The following SUMF1 variants were observed in gnomAD, a reference collection of about 807,000 sequenced individuals.
The protein encoded by SUMF1 is formylglycine-generating enzyme.
SUMF1 carries 48 observed loss-of-function variants against 47.6 expected under a neutral mutation model. The ratio of observed to expected loss-of-function variants is 1.01; its 90% CI spans 0.80 to 1.28. SUMF1 has a LOEUF of 1.28. Among genes scored for constraint, SUMF1 ranks in the 50% most tolerant of loss-of-function variants. The pLI, the probability that SUMF1 is intolerant of heterozygous loss-of-function variation, is 0.00. For synonymous variants in SUMF1, 230 were observed against 192.1 expected (o/e 1.20, Z -1.63); for missense variants, 571 against 485.4 (o/e 1.18, Z -1.66).
intron 8 of SUMF1, among the ~76,000 whole-genome samples, chr3:4,293,928 G>C (rs182142760): frequency 6.6e-6 from 1 of 152,300 alleles, no homozygotes; most frequent in Admixed American, 6.5e-5. Flanking sequence ...AGTAGTCTCT[G>C]AATATGGGAA....
chr3:4,229,831 T>C (rs977702939), intron 8 of SUMF1, among the ~76,000 whole-genome samples: 1 of 151,950 alleles, frequency 6.6e-6, no homozygotes, highest in East Asian at 1.9e-4. Context: ...CTGGGCAACA[T>C]AGCAAGACCC....
At chr3:4,436,881 C>CAA (rs11410677) in intron 3 of SUMF1, among the ~76,000 whole-genome samples, 43 of 144,118 alleles carry the variant, frequency 3.0e-4, no homozygotes, top group Non-Finnish European at 5.0e-4. Flanking sequence ...AAACAAAAAA[C>CAA]AAAAAAAACC....
intron 8 of SUMF1, among the ~76,000 whole-genome samples, chr3:4,127,828 T>C (rs1271592543): frequency 6.6e-6 from 1 of 152,068 alleles, no homozygotes; most frequent in African/African-American, 2.4e-5. Flanking sequence ...GTTGGCTGCT[T>C]AATATGATTA....
chr3:4,274,071 C>T (rs1697365854), intron 8 of SUMF1, among the ~76,000 whole-genome samples: 1 of 151,900 alleles, frequency 6.6e-6, no homozygotes, highest in African/African-American at 2.4e-5. Context: ...TAGTTACCTC[C>T]CTAAAGCAGC....
At chr3:4,397,616 T>C (rs770279599) in intron 7 of SUMF1, among the ~76,000 whole-genome samples, 4 of 152,184 alleles carry the variant, frequency 2.6e-5, no homozygotes, top group African/African-American at 4.8e-5. Context: ...TTTGGACGTT[T>C]TGAAAGTGGA....
At chr3:4,367,157 CG>C (rs1191177226) in intron 8 of SUMF1, among the ~76,000 whole-genome samples, 1 of 152,132 alleles carries the variant, frequency 6.6e-6, no homozygotes, top group Non-Finnish European at 1.5e-5. Context: ...TTAGGCTGCT[CG>C]GGGGTCAGGG....
intron 7 of SUMF1, among the ~76,000 whole-genome samples, chr3:4,401,905 T>C (rs1433147770): frequency 6.6e-6 from 1 of 152,172 alleles, no homozygotes; most frequent in East Asian, 1.9e-4. Context: ...GCCCCTTTCT[T>C]GAGCACACTG....
chr3:4,193,252 T>C (rs896509474), intron 8 of SUMF1, among the ~76,000 whole-genome samples: 18 of 149,952 alleles, frequency 1.2e-4, no homozygotes, highest in African/African-American at 4.4e-4. Flanking sequence ...AAATGAATAA[T>C]GAAAGTTCCA....
intron 8 of SUMF1, among the ~76,000 whole-genome samples, chr3:4,249,527 C>A (rs1696745970): frequency 6.6e-6 from 1 of 152,118 alleles, no homozygotes; most frequent in African/African-American, 2.4e-5. Context: ...CACCACAAAT[C>A]ACGTCCATAT....
chr3:4,430,407 G>A (rs777135663), intron 3 of SUMF1, among the ~76,000 whole-genome samples: 10 of 152,140 alleles, frequency 6.6e-5, no homozygotes, highest in Non-Finnish European at 1.5e-4. Flanking sequence ...GCCATGTAAT[G>A]TTGGTTGGAC....
intron 1 of SUMF1, 88 bp downstream of exon 1, chr3:4,466,888 C>T: frequency 6.5e-7 from 1 of 1,533,778 alleles, no homozygotes; most frequent in Non-Finnish European, 8.8e-7. Context: ...CCTTTACTTC[C>T]CTTCCTACTA....
At chr3:4,080,295 T>C (rs1050930508) in intron 8 of SUMF1, among the ~76,000 whole-genome samples, 1 of 152,154 alleles carries the variant, frequency 6.6e-6, no homozygotes, top group Non-Finnish European at 1.5e-5. Context: ...TTTTTAAGTA[T>C]GCCTCAGAGG....
intron 8 of SUMF1, among the ~76,000 whole-genome samples, chr3:4,166,015 G>C (rs567033487): frequency 6.6e-6 from 1 of 152,188 alleles, no homozygotes; most frequent in Non-Finnish European, 1.5e-5. Context: ...GCTCACCAAT[G>C]CAGCAGCAGA....
At chr3:4,057,418 C>G (rs914690100) in intron 9 of SUMF1, among the ~76,000 whole-genome samples, 2 of 151,938 alleles carry the variant, frequency 1.3e-5, no homozygotes, top group Admixed American at 1.3e-4. Context: ...CAAAAGGAAT[C>G]TAAGAAAAAG....
At chr3:4,401,932 T>G (rs553466594) in intron 7 of SUMF1, among the ~76,000 whole-genome samples, 1 of 152,224 alleles carries the variant, frequency 6.6e-6, no homozygotes, top group South Asian at 2.1e-4. Flanking sequence ...GGAAGACAGT[T>G]TACAAGTCAC....
chr3:4,322,120 A>T (rs1310512333), intron 8 of SUMF1, among the ~76,000 whole-genome samples: 1 of 152,152 alleles, frequency 6.6e-6, no homozygotes, highest in Non-Finnish European at 1.5e-5. Context: ...AAGTCTAAGA[A>T]ATTGTCACAA....
chr3:4,115,423 T>C (rs74283054), intron 8 of SUMF1, among the ~76,000 whole-genome samples: 7,728 of 152,160 alleles, frequency 0.051, 529 homozygotes, highest in East Asian at 0.15. Context: ...GAGGGCCTAA[T>C]TGAGCTGATT....
intron 8 of SUMF1, among the ~76,000 whole-genome samples, chr3:4,248,177 T>C (rs1696712220): frequency 6.6e-6 from 1 of 152,202 alleles, no homozygotes; most frequent in Non-Finnish European, 1.5e-5. Context: ...CCATTGAGGC[T>C]GAAGTGTCCA....
At chr3:4,358,502 T>A (rs937482550), downstream of SUMF1, among the ~76,000 whole-genome samples, 1 of 152,314 alleles carries the variant, frequency 6.6e-6, no homozygotes, top group South Asian at 2.1e-4. Flanking sequence ...GACAGTAGAA[T>A]GTGGAAGTCA....
Sources: gnomAD v4.1 joint callset for allele counts (sites outside exome capture counted in the v4.1 genomes callset) on GRCh38, gnomAD v4.1.1 for gene constraint, MANE v1.5 for transcripts, NCBI Gene and HGNC (gene_info 2026-07-23, HGNC 2026-07-21) for gene names.